Variants in IPO8 observed in about 807,000 individuals in gnomAD.
IPO8 encodes the protein importin 8.
In IPO8, 65 loss-of-function variants were observed where a neutral mutation model predicts 141.2. That is an observed-to-expected ratio of 0.46 (90% CI 0.38 to 0.57). The LOEUF (loss-of-function observed/expected upper bound fraction) is 0.57, where lower values mean the gene tolerates loss of function less well. Among genes scored for constraint, IPO8 ranks in the 20% least tolerant of loss-of-function variants. IPO8 has a pLI of 0.00. For missense variants in IPO8, 980 were observed against 1,246.8 expected, an observed-to-expected ratio of 0.79 and a Z score of 3.22; for synonymous variants, 411 against 420.3, an observed-to-expected ratio of 0.98 and a Z score of 0.27.
chr12:30,667,784 T>G (rs1247217699), intron 10 of IPO8, among the ~76,000 whole-genome samples: 1 of 152,216 alleles, frequency 6.6e-6, no homozygotes, highest in Admixed American at 6.5e-5. Flanking sequence ...TATACCTATC[T>G]TATCAGATAT....
At chr12:30,640,814 T>C (rs2052565126) in intron 20 of IPO8, among the ~76,000 whole-genome samples, 1 of 152,168 alleles carries the variant, frequency 6.6e-6, no homozygotes, top group South Asian at 2.1e-4. Flanking sequence ...ATGACTATAG[T>C]TAACAGTAAT....
At chr12:30,693,388 G>A (rs997327164) in intron 1 of IPO8, among the ~76,000 whole-genome samples, 3 of 152,174 alleles carry the variant, frequency 2.0e-5, no homozygotes, top group African/African-American at 4.8e-5. Flanking sequence ...AGCTCCAAAT[G>A]AGAATTTATC....
At chr12:30,659,780 A>G (rs1412162603) in intron 16 of IPO8, among the ~76,000 whole-genome samples, 3 of 146,280 alleles carry the variant, frequency 2.1e-5, no homozygotes, top group Non-Finnish European at 4.5e-5. Flanking sequence ...GCGTGAATCC[A>G]GGAGACGGAG....
chr12:30,657,498 C>T (rs970696193), intron 16 of IPO8, among the ~76,000 whole-genome samples: 2 of 152,116 alleles, frequency 1.3e-5, no homozygotes, highest in Non-Finnish European at 2.9e-5. Context: ...TTCAAACTTA[C>T]CCATACAAAT....
intron 16 of IPO8, 82 bp downstream of exon 16, chr12:30,661,059 A>G: frequency 9.6e-7 from 1 of 1,046,834 alleles, no homozygotes; most frequent in Admixed American, 3.0e-5. Context: ...TTAAAAGTGG[A>G]GACTTCAAAA....
At chr12:30,679,795 G>A (rs1015896930) in intron 5 of IPO8, among the ~76,000 whole-genome samples, 2 of 152,256 alleles carry the variant, frequency 1.3e-5, no homozygotes, top group Middle Eastern at 6.8e-3. Flanking sequence ...TAGAAAGCAT[G>A]TAATAGAGTT....
intron 16 of IPO8, among the ~76,000 whole-genome samples, chr12:30,658,912 G>A (rs1231270236): frequency 8.5e-6 from 1 of 117,232 alleles, no homozygotes; most frequent in Non-Finnish European, 1.6e-5. Flanking sequence ...ACAGAGTCTC[G>A]CTCTGTCCCC....
At chr12:30,668,038 G>C (rs998189304) in intron 10 of IPO8, among the ~76,000 whole-genome samples, 1 of 142,754 alleles carries the variant, frequency 7.0e-6, no homozygotes, top group Admixed American at 6.9e-5. Context: ...GCTGAGGTGG[G>C]AGAGTCACTG....
chr12:30,630,636 G>T lies in IPO8; in HGVS notation c.*224C>A. On this transcript the variant is annotated 3_prime_UTR_variant, in exon 25 of 25. Coordinates refer to ENST00000256079, the MANE Select transcript of IPO8 (RefSeq NM_006390.4). ...GGTTGTCCTTTTCCGTCCAATGATT[G>T]TTTTTCTTTCATTTCATACTTACAG... 5 of 509,486 alleles carry T rather than the reference G, an allele frequency of 9.8e-6. No homozygotes were observed. Among genetic ancestry groups the T allele is most frequent in the Non-Finnish European group, 1.7e-5 (5 of 290,680 alleles). The allele number at this position is 509,486 out of a possible 1,614,324, so 31.6% of individuals were successfully genotyped here.
chr12:30,649,128 A>G lies in IPO8; in HGVS notation c.2268+9T>C. 2 of 1,584,714 alleles carry G rather than the reference A, an allele frequency of 1.3e-6. No individual in the cohort carries two copies. Among genetic ancestry groups the G allele is most frequent in the South Asian group, 2.2e-5 (2 of 89,502 alleles). ...CCCTCAAGTAAGGCACTTTCCAGAC[A>G]TATATTACCTGATCAATTCCCCTTC... is the stretch of plus-strand genomic sequence containing the variant. On this transcript the variant is annotated intron_variant, in intron 20 of 24. Coordinates refer to ENST00000256079, the MANE Select transcript of IPO8 (RefSeq NM_006390.4).
intron 2 of IPO8, chr12:30,686,195 G>GTTTTATCTATAGCTCTA (rs2053240777): frequency 6.6e-6 from 1 of 152,074 alleles, no homozygotes; most frequent in Non-Finnish European, 1.5e-5. Flanking sequence ...TCTAGACTAG[G>GTTTTATCTATAGCTCTA]TACCATGTTT....
chr12:30,673,990 C>A lies in IPO8; in HGVS notation c.909G>T (p.Gln303His). Residue 303 changes from glutamine to histidine, a missense_variant and splice_region_variant, in exon 8 of 25, where the codon CAG (glutamine) becomes CAT (histidine). Gln to His is a conservative substitution (Grantham distance 24). Transcript: ENST00000256079. Reference protein sequence around the residue: ...FLKTYAVGIQQVLLKILDQYR... With the variant: ...FLKTYAVGIQHVLLKILDQYR... The stretch of plus-strand genomic sequence containing the variant: ...TATTTTAAAAGCATAAGTTTATTAC[C>A]TGCTGAATGCCCACTGCATAGGTTT... 6.4e-7 allele frequency: 1 copy of A among 1,553,524 alleles called. No individual in the cohort carries two copies. Among genetic ancestry groups the A allele is most frequent in the South Asian group, 1.2e-5 (1 of 83,708 alleles).
At chr12:30,691,026 T>C (rs1359403631) in intron 1 of IPO8, among the ~76,000 whole-genome samples, 1 of 152,240 alleles carries the variant, frequency 6.6e-6, no homozygotes, top group Non-Finnish European at 1.5e-5. Flanking sequence ...TATCCTTTTG[T>C]AAATGGAGTA....
chr12:30,661,531 G>T (rs532058209), intron 15 of IPO8, among the ~76,000 whole-genome samples: 1 of 150,054 alleles, frequency 6.7e-6, no homozygotes, highest in Non-Finnish European at 1.5e-5. Flanking sequence ...CACAATCTAG[G>T]ACAAGTGAAA....
chr12:30,648,765 AT>A (rs1030455469), intron 20 of IPO8, among the ~76,000 whole-genome samples: 2 of 152,132 alleles, frequency 1.3e-5, no homozygotes, highest in Non-Finnish European at 2.9e-5. Flanking sequence ...GTCAAGAAAT[AT>A]TTTTTTCTAT....
chr12:30,674,103 T>C, intron 7 of IPO8, 29 bp from the exon 8 acceptor site: 1 of 1,349,048 alleles, frequency 7.4e-7, no homozygotes, highest in Non-Finnish European at 1.1e-6. Context: ...AATGTACAAA[T>C]ACCGTGAATT....
rs147267141 is a variant in IPO8, at chr12:30,680,551, A to G, written c.570T>C (p.Leu190=). 1.7e-4 allele frequency: 279 copies of G among 1,612,604 alleles called. 1 individual carries two copies. The East Asian group carries it at 5.6e-3, about 32-fold the overall frequency. ...ATACAGAATAATAGGAGGAATCAGG[A>G]AGGAGCTGAACAATTTGTTGCTGAA... ...PRIQQQIVQL[L]PDSSYYSVLL... Residue 190 remains leucine (L), a synonymous_variant, in exon 5 of 25, where the codon CTT becomes CTC. Coordinates refer to ENST00000256079, the MANE Select transcript of IPO8 (RefSeq NM_006390.4).
At position 30,646,865 on chromosome 12, in the gene IPO8, C is replaced by T. The variant is rs532049070; in HGVS notation, c.2268+2272G>A. 6.6e-5 allele frequency among the ~76,000 whole-genome samples: 10 copies of T among 152,256 alleles called. No individual in the cohort carries two copies. The South Asian group carries it at 2.1e-3, about 32-fold the overall frequency. ...CACCCCACGTTCAGGGATTGAAAGACTATTTTTAAAACAGAAATACTTCTC... is the reference window on the plus strand; with the variant it reads ...CACCCCACGTTCAGGGATTGAAAGATTATTTTTAAAACAGAAATACTTCTC... On this transcript the variant is annotated intron_variant, in intron 20 of 24. Transcript: ENST00000256079.
Position 30,653,078 on chromosome 12 carries a change from T to C in IPO8, c.1963A>G (p.Ile655Val). Residue 655 changes from isoleucine to valine, a missense_variant, in exon 18 of 25, where the codon ATT becomes GTT. Transcript: ENST00000256079. ...GTTAAACTGTATGCCAGGGAAAGAA[T>C]TTCTTCATAGAATTCTAGAAGAAAG... ...QKHVIEFYEE[I>V]LSLAYSLTCH... 1 of 1,608,212 alleles carries C rather than the reference T, an allele frequency of 6.2e-7. No homozygotes were observed. The highest frequency in any genetic ancestry group is 8.5e-7 in the Non-Finnish European group (1 of 1,177,970).
Sources: gnomAD v4.1 joint callset for allele counts (sites outside exome capture counted in the v4.1 genomes callset) on GRCh38, gnomAD v4.1.1 for gene constraint, MANE v1.5 for transcripts, NCBI Gene and HGNC (gene_info 2026-07-23, HGNC 2026-07-21) for gene names.